Variants in SUPT3H observed in about 807,000 individuals in gnomAD.
SUPT3H encodes SPT3 homolog, SAGA and STAGA complex component.
A neutral mutation model predicts 44.3 loss-of-function variants in SUPT3H; 44 were observed. The observed-to-expected ratio is 0.99, with a 90% CI of 0.78 to 1.28. The LOEUF is 1.28. Ranked by LOEUF, SUPT3H falls within the 50% of genes most tolerant of loss-of-function variation. The pLI, the probability that SUPT3H is intolerant of heterozygous loss-of-function variation, is 0.00. For missense variants in SUPT3H, 380 were observed against 387.1 expected, an observed-to-expected ratio of 0.98 and a Z score of 0.15; for synonymous variants, 124 against 125.6, an observed-to-expected ratio of 0.99 and a Z score of 0.09.
At chr6:44,865,997 C>G in intron 10 of SUPT3H, among the ~76,000 whole-genome samples, 1 of 151,464 alleles carries the variant, frequency 6.6e-6, no homozygotes, top group East Asian at 1.9e-4. Context: ...CTCTGCTTGA[C>G]AAACTAATCA....
chr6:45,010,433 C>T (rs1783317012), intron 5 of SUPT3H, among the ~76,000 whole-genome samples: 1 of 152,098 alleles, frequency 6.6e-6, no homozygotes, highest in African/African-American at 2.4e-5. Context: ...GGAAAGCATA[C>T]AGTCTTTTAC....
At chr6:45,046,096 T>C (rs1281347688) in intron 3 of SUPT3H, among the ~76,000 whole-genome samples, 3 of 152,172 alleles carry the variant, frequency 2.0e-5, no homozygotes, top group African/African-American at 7.2e-5. Context: ...TTTTAGCTAT[T>C]TTAATATTTG....
At chr6:45,241,847 A>G (rs1770400075) in intron 2 of SUPT3H, among the ~76,000 whole-genome samples, 1 of 152,238 alleles carries the variant, frequency 6.6e-6, no homozygotes, top group South Asian at 2.1e-4. Flanking sequence ...TATAATTAGG[A>G]AAAAGCAAAG....
chr6:45,045,780 T>C (rs1789300252), intron 3 of SUPT3H, among the ~76,000 whole-genome samples: 1 of 152,210 alleles, frequency 6.6e-6, no homozygotes, highest in Admixed American at 6.5e-5. Flanking sequence ...ACATTATTAC[T>C]GATTAATAAA....
chr6:45,094,526 G>C (rs1797547236), intron 3 of SUPT3H, among the ~76,000 whole-genome samples: 1 of 152,078 alleles, frequency 6.6e-6, no homozygotes. Flanking sequence ...TGTTAAGAGT[G>C]GGAGAAAGGA....
chr6:45,195,641 T>G (rs1354174074), intron 2 of SUPT3H, among the ~76,000 whole-genome samples: 1 of 152,192 alleles, frequency 6.6e-6, no homozygotes, highest in African/African-American at 2.4e-5. Flanking sequence ...GTTTTTCATT[T>G]CTGATTGTTT....
At chr6:45,134,801 C>T (rs546750658) in intron 2 of SUPT3H, among the ~76,000 whole-genome samples, 2 of 152,200 alleles carry the variant, frequency 1.3e-5, no homozygotes, top group East Asian at 3.9e-4. Context: ...CAAAGGCAGC[C>T]CCACTAAGAA....
chr6:44,959,902 T>A (rs1164749917), intron 7 of SUPT3H, among the ~76,000 whole-genome samples: 1 of 152,166 alleles, frequency 6.6e-6, no homozygotes, highest in African/African-American at 2.4e-5. Context: ...AGTGCAGGAA[T>A]AGCTTCTGAA....
rs1363575941 is a variant in SUPT3H, at chr6:44,828,961, G to A, written c.*855C>T. The A allele has an allele frequency of 6.6e-6, 1 of 152,574 alleles. No homozygotes were observed. The highest frequency in any genetic ancestry group is 1.5e-5 in the Non-Finnish European group (1 of 68,040). 9.5% of individuals were successfully genotyped at this position (152,574 alleles called of 1,614,324 possible). A position where few individuals can be genotyped will look rare whatever the true frequency, so the allele number is the denominator to read the frequency against. On this transcript the variant is annotated 3_prime_UTR_variant, in exon 11 of 11. Coordinates refer to ENST00000371459, the MANE Select transcript of SUPT3H (RefSeq NM_003599.4). ...CTGGAGAAAGTATAGATGCCAGAAG[G>A]GTAGCTCGGCTGCTAACAGCAAGAA...
At chr6:45,230,214 A>T (rs1335714459) in intron 2 of SUPT3H, among the ~76,000 whole-genome samples, 1 of 152,226 alleles carries the variant, frequency 6.6e-6, no homozygotes, top group East Asian at 1.9e-4. Context: ...GTTAGTGGAT[A>T]AAATGTTCTA....
chr6:44,843,924 C>T (rs1355207356), intron 10 of SUPT3H, among the ~76,000 whole-genome samples: 4 of 34,370 alleles, frequency 1.2e-4, no homozygotes, highest in South Asian at 2.5e-3. Flanking sequence ...CACACACACA[C>T]ACGCACACAC....
intron 2 of SUPT3H, among the ~76,000 whole-genome samples, chr6:45,315,958 TA>T (rs1784627110): frequency 6.6e-6 from 1 of 151,714 alleles, no homozygotes; most frequent in Non-Finnish European, 1.5e-5. Flanking sequence ...GATAGATAGA[TA>T]GATAGATAGA....
At chr6:44,898,093 C>T (rs1170729732) in intron 10 of SUPT3H, among the ~76,000 whole-genome samples, 1 of 152,176 alleles carries the variant, frequency 6.6e-6, no homozygotes, top group Non-Finnish European at 1.5e-5. Flanking sequence ...TGCATTGGGA[C>T]TAAGAATTTG....
intron 2 of SUPT3H, among the ~76,000 whole-genome samples, chr6:45,295,917 G>A (rs545558049): frequency 2.0e-5 from 3 of 152,136 alleles, no homozygotes; most frequent in Middle Eastern, 6.8e-3. Flanking sequence ...AAAATGGTAC[G>A]GAGATTCTTT....
At chr6:45,158,287 TATATA>T (rs1808252735) in intron 2 of SUPT3H, among the ~76,000 whole-genome samples, 1 of 41,090 alleles carries the variant, frequency 2.4e-5, no homozygotes, top group Non-Finnish European at 5.4e-5. Flanking sequence ...TATATATATA[TATATA>T]TATATATTTT....
intron 3 of SUPT3H, among the ~76,000 whole-genome samples, chr6:45,024,156 T>C (rs550962360): frequency 1.3e-5 from 2 of 152,276 alleles, no homozygotes; most frequent in East Asian, 3.9e-4. Flanking sequence ...ACAACTTTGT[T>C]AGGAAAAAAC....
rs1482979301 is a variant in SUPT3H at position 45,067,535 on chromosome 6, A to C, written c.186+38387T>G. On this transcript the variant is annotated intron_variant, in intron 3 of 10. Coordinates refer to ENST00000371459, the MANE Select transcript of SUPT3H (RefSeq NM_003599.4). Reference sequence around the variant, plus strand: ...ATCAGAGTGAACAGGCAACCAACAAAATGGGAGAAAATTTTCACAACCTAC... The same window carrying C: ...ATCAGAGTGAACAGGCAACCAACAACATGGGAGAAAATTTTCACAACCTAC... Among the ~76,000 whole-genome samples the C allele has an allele frequency of 2.6e-5, 4 of 151,646 alleles. No homozygotes were observed. In the South Asian group the frequency reaches 6.3e-4, roughly 24 times the overall value.
At chr6:45,041,795 CT>C (rs1253929047) in intron 3 of SUPT3H, among the ~76,000 whole-genome samples, 3 of 152,220 alleles carry the variant, frequency 2.0e-5, no homozygotes, top group African/African-American at 7.2e-5. Context: ...GTAAAGATAT[CT>C]GTATATTCTC....
chr6:44,840,641 C>A (rs575008637), intron 10 of SUPT3H, among the ~76,000 whole-genome samples: 2 of 152,258 alleles, frequency 1.3e-5, no homozygotes, highest in African/African-American at 2.4e-5. Context: ...GAAGCTAATA[C>A]AGAACATGTC....
Sources: gnomAD v4.1 joint callset for allele counts (sites outside exome capture counted in the v4.1 genomes callset) on GRCh38, gnomAD v4.1.1 for gene constraint, MANE v1.5 for transcripts, NCBI Gene and HGNC (gene_info 2026-07-23, HGNC 2026-07-21) for gene names.